Variants in CLSTN2 observed in about 807,000 individuals in gnomAD.
The protein encoded by CLSTN2 is calsyntenin 2.
In CLSTN2, 48 loss-of-function variants were observed where a neutral mutation model predicts 101.2. The observed-to-expected ratio is 0.47, with a 90% CI of 0.38 to 0.60. The LOEUF (loss-of-function observed/expected upper bound fraction) is 0.60. Ranked by LOEUF, CLSTN2 falls within the 20% of genes least tolerant of loss-of-function variation. CLSTN2 has a pLI of 0.00. For synonymous variants in CLSTN2, 481 were observed against 463.6 expected, an observed-to-expected ratio of 1.04 and a Z score of -0.48; for missense variants, 1,160 against 1,238.2, an observed-to-expected ratio of 0.94 and a Z score of 0.95.
chr3:140,425,873 G>C (rs562326903), intron 5 of CLSTN2, among the ~76,000 whole-genome samples: 2 of 152,322 alleles, frequency 1.3e-5, no homozygotes, highest in East Asian at 3.9e-4. Context: ...CCCATTCTCA[G>C]TTGGCCAGGG....
chr3:140,570,885 C>T lies in CLSTN2; in HGVS notation c.*4632C>T, dbSNP rs1163384176. 1.3e-5 allele frequency: 2 copies of T among 152,228 alleles called. No individual in the cohort carries two copies. The highest frequency in any genetic ancestry group is 6.5e-5 in the Admixed American group (1 of 15,280). 9.4% of individuals were successfully genotyped at this position (152,228 alleles called of 1,614,324 possible). ...GCTCTCATAAGCCTCTCACCAACTA[C>T]CCAGTAGTCTTTGCCTCCAAACTGA... is the stretch of plus-strand genomic sequence containing the variant. On this transcript the variant is annotated 3_prime_UTR_variant, in exon 17 of 17. Coordinates refer to ENST00000458420, the MANE Select transcript of CLSTN2 (RefSeq NM_022131.3).
chr3:140,169,007 G>A (rs1318572357), intron 1 of CLSTN2, among the ~76,000 whole-genome samples: 1 of 151,960 alleles, frequency 6.6e-6, no homozygotes, highest in African/African-American at 2.4e-5. Flanking sequence ...ACATCTTAGA[G>A]TTTGCTTATT....
chr3:140,295,544 T>A (rs774940149), intron 2 of CLSTN2, among the ~76,000 whole-genome samples: 10 of 152,186 alleles, frequency 6.6e-5, no homozygotes, highest in Non-Finnish European at 1.3e-4. Context: ...TGGTTTAAAG[T>A]GATATAAAGT....
At chr3:140,556,734 A>G in intron 11 of CLSTN2, 73 bp downstream of exon 11, 1 of 1,476,728 alleles carries the variant, frequency 6.8e-7, no homozygotes, top group Non-Finnish European at 9.3e-7. Flanking sequence ...GTCCCTTGGG[A>G]ATGTTCCCTC....
intron 2 of CLSTN2, among the ~76,000 whole-genome samples, chr3:140,247,723 A>G (rs1220795943): frequency 6.6e-6 from 1 of 152,106 alleles, no homozygotes; most frequent in Non-Finnish European, 1.5e-5. Context: ...GGGGCTCATC[A>G]ACAGTAAAGA....
intron 1 of CLSTN2, among the ~76,000 whole-genome samples, chr3:140,044,763 C>T (rs1576407953): frequency 6.6e-6 from 1 of 152,128 alleles, no homozygotes; most frequent in Admixed American, 6.5e-5. Flanking sequence ...TTGTCGAAGG[C>T]CTTTTCTGCA....
At chr3:140,499,428 A>G (rs1470902733) in intron 8 of CLSTN2, among the ~76,000 whole-genome samples, 1 of 152,218 alleles carries the variant, frequency 6.6e-6, no homozygotes, top group Non-Finnish European at 1.5e-5. Flanking sequence ...ATTGGACCTT[A>G]TAATTAAATG....
intron 1 of CLSTN2, among the ~76,000 whole-genome samples, chr3:140,097,686 CA>C (rs2008892757): frequency 6.6e-6 from 1 of 152,164 alleles, no homozygotes; most frequent in Non-Finnish European, 1.5e-5. Context: ...CAACTAGCGT[CA>C]ATTGCAGTGC....
chr3:140,542,370 GATCTAGCATCAGGAATCCAAA>G (rs530322703), intron 9 of CLSTN2, among the ~76,000 whole-genome samples: 258 of 152,232 alleles, frequency 1.7e-3, no homozygotes, highest in African/African-American at 6.1e-3. Context: ...AATGGGTGCA[GATCTAGCATCAGGAATCCAAA>G]ATCATGTTTG....
chr3:140,332,267 A>C (rs1307167626), intron 2 of CLSTN2, among the ~76,000 whole-genome samples: 1 of 152,224 alleles, frequency 6.6e-6, no homozygotes, highest in Non-Finnish European at 1.5e-5. Flanking sequence ...AGAAATGCAC[A>C]CAGAAGACTC....
At chr3:140,086,901 C>T (rs994510708) in intron 1 of CLSTN2, among the ~76,000 whole-genome samples, 1 of 152,214 alleles carries the variant, frequency 6.6e-6, no homozygotes, top group Non-Finnish European at 1.5e-5. Flanking sequence ...CCATTTTCCT[C>T]ATTATTCCTC....
chr3:140,046,896 C>T (rs2007892707), intron 1 of CLSTN2, among the ~76,000 whole-genome samples: 1 of 152,190 alleles, frequency 6.6e-6, no homozygotes, highest in Non-Finnish European at 1.5e-5. Context: ...GACATTTCTG[C>T]ATCCCTGCCA....
chr3:140,552,121 T>C (rs917652249), intron 10 of CLSTN2, among the ~76,000 whole-genome samples: 34 of 152,200 alleles, frequency 2.2e-4, no homozygotes, highest in Non-Finnish European at 4.4e-5. Context: ...AGCAGGGACT[T>C]CCCTGATGGT....
At chr3:140,056,340 T>C (rs1442734637) in intron 1 of CLSTN2, among the ~76,000 whole-genome samples, 1 of 152,120 alleles carries the variant, frequency 6.6e-6, no homozygotes, top group African/African-American at 2.4e-5. Context: ...ACCAAGTATC[T>C]CCCCTCCTGC....
At chr3:140,539,121 T>A (rs1935418151) in intron 9 of CLSTN2, among the ~76,000 whole-genome samples, 1 of 150,638 alleles carries the variant, frequency 6.6e-6, no homozygotes, top group East Asian at 1.9e-4. Context: ...GACTTCAGGA[T>A]CTATAGAAGG....
intron 8 of CLSTN2, among the ~76,000 whole-genome samples, chr3:140,505,217 T>C (rs566491822): frequency 4.7e-4 from 71 of 152,228 alleles, no homozygotes; most frequent in Admixed American, 1.2e-3. Context: ...AATGGGTTTG[T>C]CTTTTCTAGA....
intron 4 of CLSTN2, among the ~76,000 whole-genome samples, chr3:140,412,426 A>G (rs1323740154): frequency 2.6e-5 from 4 of 152,200 alleles, no homozygotes; most frequent in African/African-American, 9.7e-5. Flanking sequence ...CATGCAGAGT[A>G]TGAGGGGCAG....
chr3:140,229,251 A>G (rs1445898534), intron 2 of CLSTN2, among the ~76,000 whole-genome samples: 3 of 152,208 alleles, frequency 2.0e-5, no homozygotes, highest in Non-Finnish European at 4.4e-5. Context: ...GGAGCTCATG[A>G]TGTGTACTTG....
At chr3:140,273,809 T>C (rs1304410845) in intron 2 of CLSTN2, among the ~76,000 whole-genome samples, 1 of 152,200 alleles carries the variant, frequency 6.6e-6, no homozygotes, top group East Asian at 1.9e-4. Context: ...AATTTAGTCA[T>C]AGGAAGGCAC....
Sources: gnomAD v4.1 joint callset for allele counts (sites outside exome capture counted in the v4.1 genomes callset) on GRCh38, gnomAD v4.1.1 for gene constraint, MANE v1.5 for transcripts, NCBI Gene and HGNC (gene_info 2026-07-23, HGNC 2026-07-21) for gene names.